The following PATJ variants were observed in gnomAD, a reference collection of about 807,000 sequenced individuals.
The protein encoded by PATJ is inaD-like protein.
In PATJ, 190 loss-of-function variants were observed where a neutral mutation model predicts 224.9. That is an observed-to-expected ratio of 0.84 (90% confidence interval 0.75 to 0.95). The LOEUF is 0.95. Ranked by LOEUF, PATJ falls within the 40% of genes least tolerant of loss-of-function variation. The pLI is 0.00. For missense variants in PATJ, 2,121 were observed against 2,270.3 expected, an observed-to-expected ratio of 0.93 and a Z score of 1.34; for synonymous variants, 769 against 820.3, an observed-to-expected ratio of 0.94 and a Z score of 1.07.
chr1:62,115,083 G>A (rs1664308014), intron 35 of PATJ, among the ~76,000 whole-genome samples: 1 of 152,042 alleles, frequency 6.6e-6, no homozygotes, highest in African/African-American at 2.4e-5. Flanking sequence ...CGAGGTGGGT[G>A]GATCACCTGA....
chr1:61,778,604 G>A (rs1047594927), intron 7 of PATJ, among the ~76,000 whole-genome samples: 1 of 152,056 alleles, frequency 6.6e-6, no homozygotes, highest in Non-Finnish European at 1.5e-5. Context: ...ACAGTATATT[G>A]TAACATACTG....
chr1:61,970,075 T>TTTTTTTG (rs1008316228), intron 27 of PATJ, among the ~76,000 whole-genome samples: 1 of 152,096 alleles, frequency 6.6e-6, no homozygotes, highest in South Asian at 2.1e-4. Flanking sequence ...TTTGTATTTT[T>TTTTTTTG]TTTTTTGTTT....
At chr1:61,891,246 A>G (rs1669566177) in intron 22 of PATJ, among the ~76,000 whole-genome samples, 1 of 152,186 alleles carries the variant, frequency 6.6e-6, no homozygotes. Flanking sequence ...ATAGGAGGCT[A>G]GGTGTCATAG....
chr1:62,055,160 T>C (rs1367754813), intron 31 of PATJ, among the ~76,000 whole-genome samples: 1 of 152,188 alleles, frequency 6.6e-6, no homozygotes, highest in African/African-American at 2.4e-5. Flanking sequence ...AGGAGAAGAA[T>C]TATTTATCCC....
intron 41 of PATJ, among the ~76,000 whole-genome samples, chr1:62,140,652 C>CA (rs201127245): frequency 0.036 from 5,152 of 144,450 alleles, 153 homozygotes; most frequent in South Asian, 0.13. Context: ...GACACCACCT[C>CA]AAAAAAAAAA....
intron 22 of PATJ, among the ~76,000 whole-genome samples, chr1:61,885,882 A>G (rs1204006436): frequency 2.6e-5 from 4 of 152,060 alleles, no homozygotes; most frequent in Non-Finnish European, 4.4e-5. Context: ...TTGTAGGGAC[A>G]TGGATGAAAT....
chr1:61,822,346 C>T (rs565762348), intron 14 of PATJ, among the ~76,000 whole-genome samples: 16 of 147,584 alleles, frequency 1.1e-4, no homozygotes, highest in South Asian at 8.6e-4. Flanking sequence ...TGCTTGAACC[C>T]GGGAGGTGAA....
chr1:62,099,314 A>G (rs958801338), intron 33 of PATJ, among the ~76,000 whole-genome samples: 2 of 144,934 alleles, frequency 1.4e-5, no homozygotes, highest in Non-Finnish European at 3.0e-5. Context: ...AAAGGAAAAC[A>G]TATGACTATT....
Position 62,106,158 on chromosome 1 carries a change from GTATATATATATATATATA to G in PATJ, c.4378-2267_4378-2250del, listed in dbSNP as rs61653676. On this transcript the variant is annotated intron_variant, in intron 33 of 43. Transcript: ENST00000642238. Reference sequence around the variant, plus strand: ...TACATGTGTATATGTGTGTGTGTGTGTATATATATATATATATATATATATATATGGCTGGGCACAGCG... The same window carrying G: ...TACATGTGTATATGTGTGTGTGTGTGTATATATATATGGCTGGGCACAGCG... Among the ~76,000 whole-genome samples the G allele has an allele frequency of 5.3e-3, 256 of 48,070 alleles. 25 individuals are homozygous for G. Among genetic ancestry groups the G allele is most frequent in the Middle Eastern group, 0.043 (3 of 70 alleles). The allele number at this position is 48,070 out of a possible 152,430, so 31.5% of individuals were successfully genotyped here.
rs1164328305 is a variant in PATJ at position 62,032,169 on chromosome 1, G to A, written c.3960-5808G>A. ...GAGGTCTTGTCTGGAGGCTTTGGGG[G>A]AAAAGTTGCTTCCAGGCTTATTCTC... On this transcript the variant is annotated intron_variant, in intron 29 of 43. Transcript: ENST00000642238. Among the ~76,000 whole-genome samples, 4 of 152,110 alleles carry A rather than the reference G, an allele frequency of 2.6e-5. No homozygotes were observed. The East Asian group carries it at 7.7e-4, about 29-fold the overall frequency.
intron 29 of PATJ, among the ~76,000 whole-genome samples, chr1:62,036,871 C>CAAAAAAAAAAAAA (rs55761910): frequency 0.4 from 26,517 of 67,100 alleles, 6,451 homozygotes; most frequent in East Asian, 0.47. Context: ...GACTCCATCT[C>CAAAAAAAAAAAAA]AAAAAAAAAA....
At chr1:62,002,845 G>T (rs1645870497) in intron 28 of PATJ, among the ~76,000 whole-genome samples, 1 of 151,966 alleles carries the variant, frequency 6.6e-6, no homozygotes, top group Non-Finnish European at 1.5e-5. Context: ...GAAATACTTT[G>T]AAGGCAAGAG....
chr1:61,980,644 C>T (rs1644402097), intron 27 of PATJ, among the ~76,000 whole-genome samples: 1 of 151,852 alleles, frequency 6.6e-6, no homozygotes. Flanking sequence ...TTAAGAAAAC[C>T]ATTCTCTATA....
At chr1:62,138,532 C>T (rs1667178528) in intron 41 of PATJ, among the ~76,000 whole-genome samples, 1 of 152,126 alleles carries the variant, frequency 6.6e-6, no homozygotes, top group Admixed American at 6.5e-5. Context: ...GTCACAAACT[C>T]CTGACCTCAG....
At chr1:61,820,821 C>A (rs527336800) in intron 14 of PATJ, among the ~76,000 whole-genome samples, 1 of 152,262 alleles carries the variant, frequency 6.6e-6, no homozygotes, top group African/African-American at 2.4e-5. Flanking sequence ...GCATCTGGCT[C>A]ATAAACAAGG....
At chr1:61,763,478 G>T (rs1485092216) in intron 3 of PATJ, among the ~76,000 whole-genome samples, 8 of 150,592 alleles carry the variant, frequency 5.3e-5, no homozygotes, top group African/African-American at 2.0e-4. Context: ...GTTGCAGTGA[G>T]CTATGATCAT....
At chr1:61,988,812 G>C (rs1359794775) in intron 27 of PATJ, among the ~76,000 whole-genome samples, 4 of 152,156 alleles carry the variant, frequency 2.6e-5, no homozygotes, top group Non-Finnish European at 5.9e-5. Flanking sequence ...AGTGGACTGG[G>C]CTGTCTTCTT....
At chr1:62,033,879 G>A (rs1037337660) in intron 29 of PATJ, among the ~76,000 whole-genome samples, 8 of 152,090 alleles carry the variant, frequency 5.3e-5, no homozygotes, top group African/African-American at 1.4e-4. Flanking sequence ...CTGGAGATAC[G>A]AAGTAATAAG....
intron 1 of PATJ, among the ~76,000 whole-genome samples, chr1:61,751,434 A>G (rs1311434383): frequency 1.3e-5 from 2 of 152,102 alleles, no homozygotes; most frequent in African/African-American, 4.8e-5. Context: ...TTTAGTGGGG[A>G]CTGGCTACAT....
Sources: gnomAD v4.1 joint callset for allele counts (sites outside exome capture counted in the v4.1 genomes callset) on GRCh38, gnomAD v4.1.1 for gene constraint, MANE v1.5 for transcripts, NCBI Gene and HGNC (gene_info 2026-07-23, HGNC 2026-07-21) for gene names.